Variants in PRPF3 observed in about 807,000 individuals in gnomAD.
PRPF3 encodes the protein pre-mRNA processing factor 3.
PRPF3 carries 3 observed loss-of-function variants against 89.2 expected under a neutral mutation model. The observed-to-expected ratio is 0.03, with a 90% CI of 0.02 to 0.09. PRPF3 has a LOEUF of 0.09. PRPF3 is among the 10% of genes least tolerant of loss of function. The probability of loss-of-function intolerance (pLI) is 1.00; values close to 1 mark genes in which losing one functional copy is unlikely to be tolerated. For synonymous variants in PRPF3, 270 were observed against 289.1 expected (o/e 0.93, Z 0.67); for missense variants, 463 against 828.8 (o/e 0.56, Z 5.42).
At chr1:150,341,105 C>CAAAAAA (rs71086503) in intron 9 of PRPF3, among the ~76,000 whole-genome samples, 1 of 86,734 alleles carries the variant, frequency 1.2e-5, no homozygotes, top group Non-Finnish European at 2.2e-5. Flanking sequence ...GACCTTGTCT[C>CAAAAAA]AAAAAAAAAA....
chr1:150,352,997 G>A lies in PRPF3; in HGVS notation c.*18G>A, dbSNP rs868952653. 1 of 1,613,744 alleles carries A rather than the reference G, an allele frequency of 6.2e-7. No individual in the cohort carries two copies. ...CTGATTGAGACTACTGCAAGCCCTT[G>A]CCTCTCCTCCCTTGCCTTTGTCTCT... is the stretch of plus-strand genomic sequence containing the variant. On this transcript the variant is annotated 3_prime_UTR_variant, in exon 16 of 16. Transcript: ENST00000324862.
chr1:150,325,491 G>T (rs1655600587), intron 2 of PRPF3, among the ~76,000 whole-genome samples: 1 of 152,148 alleles, frequency 6.6e-6, no homozygotes. Flanking sequence ...GGAAAGGTGA[G>T]GGTGGTTATT....
intron 7 of PRPF3, 53 bp downstream of exon 7, chr1:150,335,294 A>C: frequency 6.4e-7 from 1 of 1,551,962 alleles, no homozygotes; most frequent in Non-Finnish European, 8.9e-7. Flanking sequence ...GAAGCTGACA[A>C]GAAAACATTG....
chr1:150,351,667 A>ATTT (rs10692607), intron 15 of PRPF3, among the ~76,000 whole-genome samples: 1,210 of 94,448 alleles, frequency 0.013, 63 homozygotes, highest in African/African-American at 0.043. Flanking sequence ...TGCCTGGCTA[A>ATTT]TTTTTTTTTT....
intron 14 of PRPF3, chr1:150,348,722 C>A: frequency 4.9e-6 from 1 of 205,692 alleles, no homozygotes; most frequent in South Asian, 7.8e-5. Flanking sequence ...CTCAGCCTCC[C>A]AAAGCGCTAG....
chr1:150,347,478 C>T (rs587684459), intron 14 of PRPF3, among the ~76,000 whole-genome samples: 1 of 152,110 alleles, frequency 6.6e-6, no homozygotes, highest in Non-Finnish European at 1.5e-5. Flanking sequence ...CACTTATAAT[C>T]TGAGCACTTT....
At chr1:150,328,743 G>A (rs1553864609) in intron 4 of PRPF3, among the ~76,000 whole-genome samples, 1 of 151,678 alleles carries the variant, frequency 6.6e-6, no homozygotes, top group Non-Finnish European at 1.5e-5. Context: ...AGTAGAGATG[G>A]GGTTTCACCA....
intron 15 of PRPF3, among the ~76,000 whole-genome samples, chr1:150,349,956 C>T (rs1458604963): frequency 1.3e-5 from 2 of 151,260 alleles, no homozygotes; most frequent in South Asian, 2.1e-4. Flanking sequence ...AGTGCGATGG[C>T]GTGATCTCGG....
rs781971422 is a variant in PRPF3 at position 150,346,400 on chromosome 1, G to A, written c.1760-8G>A. The A allele has an allele frequency of 6.2e-7, 1 of 1,612,738 alleles. No individual in the cohort carries two copies. Among genetic ancestry groups the A allele is most frequent in the African/African-American group, 1.3e-5 (1 of 74,958 alleles). On this transcript the variant is annotated splice_polypyrimidine_tract_variant and splice_region_variant and intron_variant, in intron 13 of 15. Transcript: ENST00000324862. ...AGTTCTGGCAAAATTATTCTTCTCT[G>A]TTTCCAGGCCCCAAGGCCCAGAAGA...
At chr1:150,344,384 C>G in intron 11 of PRPF3, 50 bp from the exon 12 acceptor site, 1 of 1,614,162 alleles carries the variant, frequency 6.2e-7, no homozygotes, top group African/African-American at 1.3e-5. Context: ...AGCCCTGCCT[C>G]TGATCTTCAA....
chr1:150,343,245 A>AT (rs1560112055), intron 9 of PRPF3, 64 bp from the exon 10 acceptor site: 164 of 371,934 alleles, frequency 4.4e-4, no homozygotes, highest in East Asian at 5.3e-4. Context: ...GAGAAAAAAA[A>AT]AAAATATATA....
In PRPF3 at chr1:150,339,751, T is replaced by TGG. The variant is rs1553869736; in HGVS notation, c.1203-647_1203-646insGG. 7.5e-4 allele frequency among the ~76,000 whole-genome samples: 112 copies of TGG among 149,028 alleles called. 1 individual carries two copies. The highest frequency in any genetic ancestry group is 7.3e-3 in the East Asian group (37 of 5,078). ...CCACGCCTGGCGTTTTTTTTTTTTTTTTTTTTTTTTAAGACAGAGTCTCAC... is the reference window on the plus strand; with the variant it reads ...CCACGCCTGGCGTTTTTTTTTTTTTTGGTTTTTTTTTTAAGACAGAGTCTCAC... On this transcript the variant is annotated intron_variant, in intron 8 of 15. Coordinates refer to ENST00000324862, the MANE Select transcript of PRPF3 (RefSeq NM_004698.4).
At position 150,353,095 on chromosome 1, in the gene PRPF3, G is replaced by A; in HGVS notation, c.*116G>A. The A allele has an allele frequency of 1.5e-6, 2 of 1,374,822 alleles. No individual in the cohort carries two copies. The highest frequency in any genetic ancestry group is 1.4e-5 in the African/African-American group (1 of 69,942). 85.2% of individuals were successfully genotyped at this position (1,374,822 alleles called of 1,614,324 possible). On this transcript the variant is annotated 3_prime_UTR_variant, in exon 16 of 16. Coordinates refer to ENST00000324862, the MANE Select transcript of PRPF3 (RefSeq NM_004698.4). ...TGTGATCTCAGAACTGTGCCAAGCA[G>A]ACACTGGGACAAAGGGAGAATATCT...
chr1:150,348,727 C>A, intron 14 of PRPF3: 1 of 217,824 alleles, frequency 4.6e-6, no homozygotes, highest in South Asian at 6.8e-5. Context: ...CCTCCCAAAG[C>A]GCTAGGATTA....
intron 8 of PRPF3, 30 bp from the exon 9 acceptor site, chr1:150,340,368 T>C (rs1553869953): frequency 6.9e-7 from 1 of 1,446,730 alleles, no homozygotes. Context: ...TACCCGCATA[T>C]CGTGTTTTCT....
rs587599858 is a variant in PRPF3, at chr1:150,335,321, T to C, written c.1035+80T>C. On this transcript the variant is annotated intron_variant, in intron 7 of 15. Coordinates refer to ENST00000324862, the MANE Select transcript of PRPF3 (RefSeq NM_004698.4). ...AAAACATTGTTAAATCTCTGTGTTC[T>C]AGGAAATTAGATAAATAGGTCATTT... 4.7e-6 allele frequency: 7 copies of C among 1,491,950 alleles called. No homozygotes were observed. In the Admixed American group the frequency reaches 8.6e-5, roughly 18 times the overall value. The allele number at this position is 1,491,950 out of a possible 1,614,324, so 92.4% of individuals were successfully genotyped here.
intron 1 of PRPF3, among the ~76,000 whole-genome samples, chr1:150,322,584 C>T (rs1054673128): frequency 9.9e-5 from 15 of 152,162 alleles, no homozygotes; most frequent in Non-Finnish European, 1.8e-4. Flanking sequence ...GAATTACTCA[C>T]GTAACTTGTC....
intron 6 of PRPF3, 71 bp from the exon 7 acceptor site, chr1:150,334,864 T>C: frequency 6.3e-7 from 1 of 1,578,220 alleles, no homozygotes; most frequent in South Asian, 1.1e-5. Flanking sequence ...CCACCACGCC[T>C]GGCTTTATTT....
intron 10 of PRPF3, 23 bp downstream of exon 10, chr1:150,343,475 C>T (rs373983987): frequency 2.8e-5 from 45 of 1,612,056 alleles, no homozygotes; most frequent in Non-Finnish European, 3.7e-5. Context: ...GTGGCCTCTT[C>T]TGTTAAAAAG....
Sources: allele counts gnomAD v4.1 joint callset (sites outside exome capture counted in the v4.1 genomes callset), GRCh38; gene constraint gnomAD v4.1.1; transcripts MANE v1.5; gene names NCBI Gene and HGNC (gene_info 2026-07-23, HGNC 2026-07-21).